NBPF8: variants seen among roughly 807,000 people sequenced by gnomAD.
The protein encoded by NBPF8 is NBPF member 8.
At chr1:120,460,509 G>A (rs1199976888) in intron 17 of NBPF8, 64 bp from the exon 16 acceptor site, 1 of 913,786 alleles carries the variant, frequency 1.1e-6, no homozygotes, top group African/African-American at 1.6e-5. Context: ...TTGGACAGAG[G>A]AATGTTTCTG....
chr1:120,460,602 G>C (rs1373347362), exon 18 of NBPF8: 1 of 1,441,822 alleles, frequency 6.9e-7, no homozygotes, highest in East Asian at 2.3e-5. Flanking sequence ...GAAAAAGGAG[G>C]ACCAAGAGGC....
upstream of NBPF8, among the ~76,000 whole-genome samples, chr1:120,435,562 G>A (rs1553247596): frequency 2.9e-5 from 4 of 138,836 alleles, no homozygotes; most frequent in Non-Finnish European, 4.6e-5. Context: ...AAGAGAAGTC[G>A]GCCGGGCGCG....
exon 25 of NBPF8, chr1:120,466,017 C>A: frequency 1.9e-6 from 3 of 1,611,944 alleles, no homozygotes; most frequent in Non-Finnish European, 2.5e-6. Context: ...AGCCTGAAGT[C>A]TTACAGGACT....
At chr1:120,418,249 A>T (rs1276822763), upstream of NBPF8, among the ~76,000 whole-genome samples, 9 of 49,620 alleles carry the variant, frequency 1.8e-4, no homozygotes, top group Non-Finnish European at 3.5e-4. Context: ...TTCAGGGAAA[A>T]TGTATTAAGG....
chr1:120,422,855 C>G, intron 1 of NBPF8, among the ~76,000 whole-genome samples: 1 of 97,222 alleles, frequency 1.0e-5, no homozygotes, highest in South Asian at 2.6e-4. Flanking sequence ...AGTGATATCT[C>G]GTTTTAATGT....
chr1:120,415,424 C>T (rs1272053830), upstream of NBPF8, among the ~76,000 whole-genome samples: 14 of 152,062 alleles, frequency 9.2e-5, no homozygotes, highest in African/African-American at 1.9e-4. Context: ...CCGGCCCCGC[C>T]GGGGCTTAAG....
intron 15 of NBPF8, 39 bp downstream of exon 13, chr1:120,454,153 G>T (rs1553249400): frequency 1.5e-5 from 24 of 1,603,354 alleles, no homozygotes; most frequent in Middle Eastern, 4.4e-4. Flanking sequence ...CCTCTCTCTA[G>T]GCTGAGGAAG....
chr1:120,464,155 G>T (rs1553250600), intron 22 of NBPF8, among the ~76,000 whole-genome samples: 5 of 107,040 alleles, frequency 4.7e-5, no homozygotes, highest in African/African-American at 2.4e-4. Context: ...GTGTGTGTGT[G>T]TGTGTGTGTG....
chr1:120,436,423 C>T, exon 1 of NBPF8: 3 of 1,189,416 alleles, frequency 2.5e-6, no homozygotes, highest in Non-Finnish European at 3.7e-6. Flanking sequence ...TCCCTCAGTC[C>T]TGATTAAACC....
At chr1:120,457,371 AC>A (rs1168268385) in intron 16 of NBPF8, among the ~76,000 whole-genome samples, 1 of 94,162 alleles carries the variant, frequency 1.1e-5, no homozygotes, top group Non-Finnish European at 2.1e-5. Context: ...AAAATGTGGC[AC>A]ATATACACCA....
At chr1:120,422,518 A>G (rs1310692369) in intron 1 of NBPF8, among the ~76,000 whole-genome samples, 1 of 109,662 alleles carries the variant, frequency 9.1e-6, no homozygotes, top group Non-Finnish European at 1.9e-5. Flanking sequence ...TCTTTCTAGC[A>G]TTGTGTACTT....
exon 25 of NBPF8, chr1:120,467,647 C>T (rs1661773521): frequency 6.9e-6 from 1 of 145,952 alleles, no homozygotes; most frequent in Non-Finnish European, 1.5e-5. Flanking sequence ...CTAGTGTCTG[C>T]TGTTGCAAAA....
intron 22 of NBPF8, among the ~76,000 whole-genome samples, chr1:120,464,123 CTCTCTCTCTCTGTGTGTG>C (rs1661666580): frequency 2.5e-5 from 1 of 40,294 alleles, no homozygotes; most frequent in Non-Finnish European, 4.4e-5. Context: ...CGTTCTCTCT[CTCTCTCTCTCTGTGTGTG>C]TGTGTGTGTG....
intron 7 of NBPF8, chr1:120,445,694 C>G: frequency 5.5e-6 from 1 of 180,994 alleles, no homozygotes; most frequent in Non-Finnish European, 9.9e-6. Flanking sequence ...TGGCCACAGA[C>G]ATTCCTTTCA....
At chr1:120,465,494 T>C (rs1661716244) in intron 24 of NBPF8, 123 bp downstream of exon 22, 1 of 491,280 alleles carries the variant, frequency 2.0e-6, no homozygotes, top group South Asian at 1.8e-5. Flanking sequence ...CTACTGTCAT[T>C]GCTGTTGGTT....
At chr1:120,436,414 C>T (rs1244090244) in exon 1 of NBPF8, 23 of 1,237,576 alleles carry the variant, frequency 1.9e-5, no homozygotes, top group African/African-American at 1.2e-4. Flanking sequence ...TTACTGACAT[C>T]CCTCAGTCCT....
downstream of NBPF8, among the ~76,000 whole-genome samples, chr1:120,468,301 A>G (rs1378145114): frequency 6.5e-4 from 99 of 151,670 alleles, no homozygotes; most frequent in African/African-American, 2.3e-3. Flanking sequence ...CTCATGAGCT[A>G]TTCAAAAGTG....
At chr1:120,436,666 C>T (rs1316344083) in exon 1 of NBPF8, 16 of 1,587,206 alleles carry the variant, frequency 1.0e-5, no homozygotes, top group East Asian at 2.2e-5. Context: ...CTCAACTGGC[C>T]GGCTTCCTGG....
Position 120,454,122 on chromosome 1 carries a change from C to G in NBPF8, n.2568+8C>G. The G allele has an allele frequency of 1.2e-6, 2 of 1,612,436 alleles. No individual in the cohort carries two copies. Among genetic ancestry groups the G allele is most frequent in the Non-Finnish European group, 1.7e-6 (2 of 1,179,704 alleles). On this transcript the variant is annotated splice_region_variant and intron_variant and non_coding_transcript_variant, in intron 15 of 24. Transcript: ENST00000583271. ...CTGTACACATTATTCCAGGTAGCCTCTGTTTTCCTTGTGTCTCATACCTCT... is the reference window on the plus strand; with the variant it reads ...CTGTACACATTATTCCAGGTAGCCTGTGTTTTCCTTGTGTCTCATACCTCT...
Sources: allele counts gnomAD v4.1 joint callset (sites outside exome capture counted in the v4.1 genomes callset), GRCh38; gene constraint gnomAD v4.1.1; transcripts MANE v1.5; gene names NCBI Gene and HGNC (gene_info 2026-07-23, HGNC 2026-07-21).